SUSD4: variants seen among roughly 807,000 people sequenced by gnomAD.
SUSD4 encodes sushi domain-containing protein 4.
SUSD4 carries 41 observed loss-of-function variants against 50.5 expected under a neutral mutation model. The ratio of observed to expected loss-of-function variants is 0.81; its 90% CI spans 0.63 to 1.05. The LOEUF (loss-of-function observed/expected upper bound fraction) is 1.05. Ranked by LOEUF, SUSD4 falls within the 50% of genes least tolerant of loss-of-function variation. The probability of loss-of-function intolerance (pLI) is 0.00; values close to 1 mark genes in which losing one functional copy is unlikely to be tolerated. For synonymous variants in SUSD4, 257 were observed against 257.3 expected (o/e 1.00, Z 0.01); for missense variants, 580 against 634.7 (o/e 0.91, Z 0.93).
chr1:223,351,426 T>G (rs921931177), intron 2 of SUSD4, among the ~76,000 whole-genome samples: 6 of 152,338 alleles, frequency 3.9e-5, no homozygotes, highest in Admixed American at 2.0e-4. Context: ...AAAGGCTCCA[T>G]GCAAACCCTG....
intron 2 of SUSD4, among the ~76,000 whole-genome samples, chr1:223,344,137 C>G (rs1244394811): frequency 1.3e-5 from 2 of 152,172 alleles, no homozygotes; most frequent in Non-Finnish European, 2.9e-5. Flanking sequence ...GAACTGTCTT[C>G]TCAATAAATA....
chr1:223,309,109 T>G (rs1665722620), intron 2 of SUSD4, among the ~76,000 whole-genome samples: 1 of 152,088 alleles, frequency 6.6e-6, no homozygotes, highest in African/African-American at 2.4e-5. Context: ...CAATCAACCA[T>G]CTCTTAACAG....
Position 223,223,485 on chromosome 1 carries a change from G to A in SUSD4, c.1208C>T (p.Pro403Leu), listed in dbSNP as rs1198469326. 1.2e-6 allele frequency: 2 copies of A among 1,613,692 alleles called. No individual in the cohort carries two copies. Among genetic ancestry groups the A allele is most frequent in the East Asian group, 4.5e-5 (2 of 44,870 alleles). The change falls in exon 8 of 9, where the codon CCC (proline) becomes CTC (leucine). Residue 403 changes from proline to leucine, a missense_variant. Pro to Leu is a moderately conservative substitution (Grantham distance 98, BLOSUM62 -3). Coordinates refer to ENST00000366878, the MANE Select transcript of SUSD4 (RefSeq NM_017982.4). ...GGGGCTCTGGTCGTCCACGGGTAAG[G>A]GGCAGCCCTGGCCCACAGAGGCCAT... ...GYMASVGQGC[P>L]LPVDDQSPPA...
chr1:223,229,432 A>G lies in SUSD4; in HGVS notation c.725-44T>C. On this transcript the variant is annotated intron_variant, in intron 5 of 8. Coordinates refer to ENST00000366878, the MANE Select transcript of SUSD4 (RefSeq NM_017982.4). This position sits in a 1 kb window ranked among gnomAD's most constrained non-coding sequence, Gnocchi z 4.7. ...ATAAAAGTTTCAGAACCACAAGCTC[A>G]CCTTTGTCTGAAGCCCCTAAGACGA... 6.5e-7 allele frequency: 1 copy of G among 1,534,286 alleles called. No individual in the cohort carries two copies. Among genetic ancestry groups the G allele is most frequent in the Non-Finnish European group, 8.9e-7 (1 of 1,125,124 alleles).
At position 223,229,724 on chromosome 1, in the gene SUSD4, A is replaced by G. The variant is rs1004446087; in HGVS notation, c.725-336T>C. Among the ~76,000 whole-genome samples, 5 of 152,246 alleles carry G rather than the reference A, an allele frequency of 3.3e-5. No individual in the cohort carries two copies. Among genetic ancestry groups the G allele is most frequent in the Non-Finnish European group, 7.3e-5 (5 of 68,052 alleles). On this transcript the variant is annotated intron_variant, in intron 5 of 8. Coordinates refer to ENST00000366878, the MANE Select transcript of SUSD4 (RefSeq NM_017982.4). The surrounding 1 kb of genome is among the most constrained non-coding windows in gnomAD (Gnocchi z 4.7). ...AATGCATGCTATTATGTGCCAGACA[A>G]CCTAGTAAATAAAATTAACATATTT...
chr1:223,239,980 T>G (rs1660470477), intron 5 of SUSD4, among the ~76,000 whole-genome samples: 1 of 152,174 alleles, frequency 6.6e-6, no homozygotes, highest in Non-Finnish European at 1.5e-5. Flanking sequence ...GGCAACAAAC[T>G]TTCCACATTT....
At chr1:223,301,884 C>T (rs1007918469) in intron 2 of SUSD4, among the ~76,000 whole-genome samples, 3 of 152,242 alleles carry the variant, frequency 2.0e-5, no homozygotes, top group Admixed American at 2.0e-4. Flanking sequence ...TCACCTTACA[C>T]CACCTTGAGT....
At position 223,357,284 on chromosome 1, in the gene SUSD4, C is replaced by T. The variant is rs1219412062; in HGVS notation, c.148+5994G>A. On this transcript the variant is annotated intron_variant, in intron 2 of 8. Coordinates refer to ENST00000366878, the MANE Select transcript of SUSD4 (RefSeq NM_017982.4). ...GTTTATATGTTTTCTGCTTTTTGCT[C>T]ACAACACACAAGAGTTCCCTTCTCT... 3.9e-5 allele frequency among the ~76,000 whole-genome samples: 6 copies of T among 152,146 alleles called. No homozygotes were observed. The East Asian group carries it at 1.2e-3, about 29-fold the overall frequency.
At chr1:223,288,016 C>T (rs945745971) in intron 3 of SUSD4, among the ~76,000 whole-genome samples, 1 of 152,202 alleles carries the variant, frequency 6.6e-6, no homozygotes, top group Non-Finnish European at 1.5e-5. Context: ...GTTCAAGGAA[C>T]ACCCTGAATC....
chr1:223,285,447 C>T (rs1403934680), intron 3 of SUSD4, among the ~76,000 whole-genome samples: 1 of 152,090 alleles, frequency 6.6e-6, no homozygotes, highest in South Asian at 2.1e-4. Flanking sequence ...TTCACAATGC[C>T]CCACAGAGAA....
chr1:223,267,246 A>G (rs956374051), intron 4 of SUSD4, among the ~76,000 whole-genome samples: 1 of 152,122 alleles, frequency 6.6e-6, no homozygotes, highest in Non-Finnish European at 1.5e-5. Context: ...ATCACTGGGG[A>G]AAAAAGAACT....
chr1:223,361,114 T>C (rs977055057), intron 2 of SUSD4, among the ~76,000 whole-genome samples: 1 of 152,180 alleles, frequency 6.6e-6, no homozygotes, highest in African/African-American at 2.4e-5. Flanking sequence ...CCAGGTGACT[T>C]GTATGCACAT....
At chr1:223,308,617 T>C (rs1396143337) in intron 2 of SUSD4, among the ~76,000 whole-genome samples, 2 of 152,200 alleles carry the variant, frequency 1.3e-5, no homozygotes, top group African/African-American at 4.8e-5. Flanking sequence ...TTACAGAATG[T>C]TATTGCTGGA....
At chr1:223,260,188 G>A (rs896692633) in intron 5 of SUSD4, among the ~76,000 whole-genome samples, 7 of 152,186 alleles carry the variant, frequency 4.6e-5, no homozygotes, top group African/African-American at 1.7e-4. Context: ...GCTGCCATCT[G>A]TAATGAGGCT....
chr1:223,234,715 C>T (rs1660100920), intron 5 of SUSD4, among the ~76,000 whole-genome samples: 1 of 152,140 alleles, frequency 6.6e-6, no homozygotes. Context: ...ACGGACACCA[C>T]ACACCAGGAT....
At chr1:223,344,425 G>A (rs1443738341) in intron 2 of SUSD4, among the ~76,000 whole-genome samples, 3 of 152,036 alleles carry the variant, frequency 2.0e-5, no homozygotes, top group Admixed American at 6.6e-5. Flanking sequence ...ACATGGTAAG[G>A]CTGTGCTGAT....
chr1:223,358,991 T>G, intron 2 of SUSD4: 1 of 459,310 alleles, frequency 2.2e-6, no homozygotes, highest in Non-Finnish European at 4.6e-6. Flanking sequence ...TTCCACCTGC[T>G]GGCACAGAGC....
chr1:223,232,366 T>A (rs917150487), intron 5 of SUSD4, among the ~76,000 whole-genome samples: 3 of 152,162 alleles, frequency 2.0e-5, no homozygotes, highest in Non-Finnish European at 2.9e-5. Flanking sequence ...ACTGTGTAGA[T>A]GTATCTCAAA....
At chr1:223,311,564 G>C (rs17518363) in intron 2 of SUSD4, among the ~76,000 whole-genome samples, 27,570 of 152,218 alleles carry the variant, frequency 0.18, 3,017 homozygotes, top group Non-Finnish European at 0.25. Context: ...TGTTACAGTA[G>C]TGACGGAGGT....
Sources: allele counts gnomAD v4.1 joint callset (sites outside exome capture counted in the v4.1 genomes callset), GRCh38; gene constraint gnomAD v4.1.1; non-coding constraint Gnocchi (gnomAD v3.1); transcripts MANE v1.5; gene names NCBI Gene and HGNC (gene_info 2026-07-23, HGNC 2026-07-21).